The following ZNF317 variants were observed in gnomAD, a reference collection of about 807,000 sequenced individuals.
ZNF317 encodes the protein KRAB-containing zinc finger protein 317.
Under a neutral mutation model 23.4 loss-of-function variants are expected in ZNF317, and 17 were observed. The observed-to-expected ratio is 0.73, with a 90% CI of 0.50 to 1.09. The LOEUF is 1.09. ZNF317 is among the 50% of genes least tolerant of loss of function. The probability of loss-of-function intolerance (pLI) is 0.00; values close to 1 mark genes in which losing one functional copy is unlikely to be tolerated. For missense variants in ZNF317, 679 were observed against 796.7 expected (o/e 0.85, Z 1.78); for synonymous variants, 317 against 314.9 (o/e 1.01, Z -0.07).
intron 1 of ZNF317, among the ~76,000 whole-genome samples, chr19:9,147,970 G>A (rs1307578145): frequency 6.6e-6 from 1 of 152,128 alleles, no homozygotes; most frequent in African/African-American, 2.4e-5. Context: ...TCCTCGTGAT[G>A]GCGGGTGAGT....
Position 9,156,594 on chromosome 19 carries a change from C to T in ZNF317, c.26-18C>T. The T allele has an allele frequency of 6.2e-7, 1 of 1,611,130 alleles. No homozygotes were observed. On this transcript the variant is annotated intron_variant, in intron 2 of 6. Transcript: ENST00000247956. ...CAGGGCAGGCTCTGATTCTCATGAA[C>T]CCTGTTTTCTCCTCCAGCCACGTCC...
intron 1 of ZNF317, 115 bp downstream of exon 1, chr19:9,140,707 C>A (rs775376520): frequency 2.6e-6 from 1 of 380,670 alleles, no homozygotes; most frequent in Non-Finnish European, 5.2e-6. Flanking sequence ...GCTAGGCATC[C>A]AGACGAGGGG....
At chr19:9,159,976 G>A in intron 6 of ZNF317, 138 bp from the exon 7 acceptor site, 4 of 1,292,586 alleles carry the variant, frequency 3.1e-6, no homozygotes, top group South Asian at 1.4e-5. Context: ...GGGACAGCAC[G>A]TTTGCACGGC....
intron 5 of ZNF317, among the ~76,000 whole-genome samples, chr19:9,158,559 G>A (rs908368573): frequency 5.9e-5 from 9 of 151,428 alleles, no homozygotes; most frequent in South Asian, 2.1e-4. Flanking sequence ...GGCTGGTCTC[G>A]AACACCTGAC....
chr19:9,148,865 T>C (rs574605444), intron 1 of ZNF317, among the ~76,000 whole-genome samples: 2 of 152,276 alleles, frequency 1.3e-5, no homozygotes, highest in African/African-American at 2.4e-5. Flanking sequence ...GGCAGGGGCA[T>C]GTGACTAGTT....
intron 1 of ZNF317, among the ~76,000 whole-genome samples, chr19:9,140,833 G>A (rs1469854471): frequency 1.3e-5 from 2 of 152,138 alleles, no homozygotes; most frequent in African/African-American, 2.4e-5. Context: ...AAAGCCCTAA[G>A]TCTCTGGTGG....
chr19:9,148,809 C>G (rs912594826), intron 1 of ZNF317, among the ~76,000 whole-genome samples: 2 of 152,128 alleles, frequency 1.3e-5, no homozygotes, highest in African/African-American at 4.8e-5. Context: ...TAATGCTTAC[C>G]CGGTGTTCTG....
Position 9,156,753 on chromosome 19 carries a change from A to G in ZNF317, c.162+5A>G, listed in dbSNP as rs146596406. The G allele has an allele frequency of 1.2e-6, 2 of 1,613,082 alleles. No individual in the cohort carries two copies. Among genetic ancestry groups the G allele is most frequent in the South Asian group, 1.1e-5 (1 of 90,972 alleles). ...ACACCCAGTGTTGGTTCCCAGGTGC[A>G]CTAAGATCTCTGGGTCCCTAGAGCA... On this transcript the variant is annotated splice_donor_5th_base_variant and intron_variant, in intron 3 of 6. Transcript: ENST00000247956.
intron 1 of ZNF317, among the ~76,000 whole-genome samples, chr19:9,152,593 T>C (rs2050745345): frequency 6.6e-6 from 1 of 152,230 alleles, no homozygotes; most frequent in Non-Finnish European, 1.5e-5. Context: ...ATCTAATGCC[T>C]GATGATCTGT....
rs1327807147 is a variant in ZNF317, at chr19:9,162,956, C to G, written c.*1523C>G. 1 of 152,146 alleles carries G rather than the reference C, an allele frequency of 6.6e-6. No individual in the cohort carries two copies. Among genetic ancestry groups the G allele is most frequent in the Non-Finnish European group, 1.5e-5 (1 of 68,042 alleles). The allele number at this position is 152,146 out of a possible 1,614,324, so 9.4% of individuals were successfully genotyped here. Reference sequence around the variant, plus strand: ...GAGTGACAGATACTTCTAGTGACTTCCCCGGTATCCACTCTCATCTTCTTC... The same window carrying G: ...GAGTGACAGATACTTCTAGTGACTTGCCCGGTATCCACTCTCATCTTCTTC... On this transcript the variant is annotated 3_prime_UTR_variant, in exon 7 of 7. Coordinates refer to ENST00000247956, the MANE Select transcript of ZNF317 (RefSeq NM_020933.5).
At chr19:9,153,269 C>T (rs955818321) in intron 1 of ZNF317, among the ~76,000 whole-genome samples, 1 of 152,172 alleles carries the variant, frequency 6.6e-6, no homozygotes, top group South Asian at 2.1e-4. Flanking sequence ...TCAAGCGATT[C>T]TCCTGCCTCA....
chr19:9,151,907 CTT>C (rs57588267), intron 1 of ZNF317, among the ~76,000 whole-genome samples: 9 of 128,758 alleles, frequency 7.0e-5, no homozygotes, highest in Admixed American at 1.6e-4. Context: ...TGGTCCTGGA[CTT>C]TTTTTTTTTT....
At position 9,160,760 on chromosome 19, in the gene ZNF317, G is replaced by T. The variant is rs746935577; in HGVS notation, c.1115G>T (p.Arg372Leu). The T allele has an allele frequency of 6.2e-7, 1 of 1,614,074 alleles. No individual in the cohort carries two copies. Among genetic ancestry groups the T allele is most frequent in the African/African-American group, 1.3e-5 (1 of 75,040 alleles). ...TGCACGCAGTGCGGCAAAGCCTTCCGCTGGAAGTCCAACTTTAATTTGCAC... is the reference window on the plus strand; with the variant it reads ...TGCACGCAGTGCGGCAAAGCCTTCCTCTGGAAGTCCAACTTTAATTTGCAC... ...YACTQCGKAFRWKSNFNLHKK... is the reference protein window; with the variant it reads ...YACTQCGKAFLWKSNFNLHKK... Residue 372 changes from arginine (R) to leucine (L), a missense_variant, in exon 7 of 7, where the codon CGC becomes CTC. Transcript: ENST00000247956. The surrounding 1 kb of genome is among the most constrained non-coding windows in gnomAD (Gnocchi z 6.8).
chr19:9,160,380 C>A lies in ZNF317; in HGVS notation c.735C>A (p.Thr245=). The change falls in exon 7 of 7, where the codon ACC becomes ACA. Residue 245 remains threonine, a synonymous_variant. Coordinates refer to ENST00000247956, the MANE Select transcript of ZNF317 (RefSeq NM_020933.5). The surrounding 1 kb of genome is among the most constrained non-coding windows in gnomAD (Gnocchi z 6.8). ...TCACACGGCACAGGAGAATCCACAC[C>A]GGGGAGAAGCCTTACGAGTGCAGCG... ...ASLTRHRRIH[T]GEKPYECSDC... 3 of 1,614,194 alleles carry A rather than the reference C, an allele frequency of 1.9e-6. No individual in the cohort carries two copies. Among genetic ancestry groups the A allele is most frequent in the Non-Finnish European group, 2.5e-6 (3 of 1,180,038 alleles).
Position 9,162,650 on chromosome 19 carries a change from A to G in ZNF317, c.*1217A>G, listed in dbSNP as rs2050872560. On this transcript the variant is annotated 3_prime_UTR_variant, in exon 7 of 7. Coordinates refer to ENST00000247956, the MANE Select transcript of ZNF317 (RefSeq NM_020933.5). ...TCATCATGAAAACAGAGCCCCGTTC[A>G]TAAATTTTTCATCTTTATTTTTAAG... 6.6e-6 allele frequency: 1 copy of G among 151,782 alleles called. No individual in the cohort carries two copies. The highest frequency in any genetic ancestry group is 2.1e-4 in the South Asian group (1 of 4,802). The allele number at this position is 151,782 out of a possible 1,614,324, so 9.4% of individuals were successfully genotyped here. A position where few individuals can be genotyped will look rare whatever the true frequency, so the allele number is the denominator to read the frequency against.
intron 1 of ZNF317, among the ~76,000 whole-genome samples, chr19:9,141,785 A>G (rs2050632078): frequency 6.6e-6 from 1 of 152,074 alleles, no homozygotes; most frequent in South Asian, 2.1e-4. Flanking sequence ...ATGCCTTTCA[A>G]TAAAGTGTTT....
intron 1 of ZNF317, among the ~76,000 whole-genome samples, chr19:9,144,595 T>A (rs1160722969): frequency 6.6e-6 from 1 of 152,192 alleles, no homozygotes; most frequent in Admixed American, 6.5e-5. Flanking sequence ...TTGCATATGT[T>A]ACTCTCCTGA....
At chr19:9,153,747 A>G (rs111807606) in intron 1 of ZNF317, among the ~76,000 whole-genome samples, 2,033 of 152,302 alleles carry the variant, frequency 0.013, 48 homozygotes, top group African/African-American at 0.047. Context: ...AGAATAGAGA[A>G]TGATTCTCAA....
Position 9,161,525 on chromosome 19 carries a change from G to A in ZNF317, c.*92G>A. ...CCTCTGTGAGCTCGCACCTTACTGG[G>A]TGCAAAAGAATCCACGGAACTTGGG... On this transcript the variant is annotated 3_prime_UTR_variant, in exon 7 of 7. Transcript: ENST00000247956. The surrounding 1 kb of genome is among the most constrained non-coding windows in gnomAD (Gnocchi z 4.0). 6.7e-7 allele frequency: 1 copy of A among 1,502,130 alleles called. No individual in the cohort carries two copies. The highest frequency in any genetic ancestry group is 8.9e-7 in the Non-Finnish European group (1 of 1,123,790). 93.1% of individuals were successfully genotyped at this position (1,502,130 alleles called of 1,614,324 possible).
Sources: gnomAD v4.1 joint callset for allele counts (sites outside exome capture counted in the v4.1 genomes callset) on GRCh38, gnomAD v4.1.1 for gene constraint, Gnocchi (gnomAD v3.1) non-coding constraint, MANE v1.5 for transcripts, NCBI Gene and HGNC (gene_info 2026-07-23, HGNC 2026-07-21) for gene names.